LPIN3: variants seen among roughly 807,000 people sequenced by gnomAD.
The protein encoded by LPIN3 is phosphatidate phosphatase LPIN3.
In LPIN3, 82 loss-of-function variants were observed where a neutral mutation model predicts 94.7. The ratio of observed to expected loss-of-function variants is 0.87; its 90% CI spans 0.72 to 1.04. The LOEUF (loss-of-function observed/expected upper bound fraction) is 1.04. Ranked by LOEUF, LPIN3 falls within the 50% of genes least tolerant of loss-of-function variation. The pLI, the probability that LPIN3 is intolerant of heterozygous loss-of-function variation, is 0.00. For missense variants in LPIN3, 996 were observed against 1,090.5 expected (o/e 0.91, Z 1.22); for synonymous variants, 418 against 443.3 (o/e 0.94, Z 0.72).
At chr20:41,351,300 ATT>A (rs149694237) in intron 7 of LPIN3, among the ~76,000 whole-genome samples, 6 of 136,010 alleles carry the variant, frequency 4.4e-5, no homozygotes, top group African/African-American at 5.5e-5. Flanking sequence ...ATAAAATTCC[ATT>A]TTTTTTTTTT....
At chr20:41,342,761 GA>G (rs1216934110) in intron 1 of LPIN3, among the ~76,000 whole-genome samples, 1 of 152,206 alleles carries the variant, frequency 6.6e-6, no homozygotes, top group African/African-American at 2.4e-5. Context: ...AGATGTGGGG[GA>G]CATCCATTGG....
rs1295619422 is a variant in LPIN3, at chr20:41,347,604, A to T, written c.245A>T (p.Asp82Val). Residue 82 changes from aspartate to valine, a missense_variant, in exon 3 of 20, where the codon GAC (aspartate) becomes GTC (valine). Physicochemically the swap from Asp to Val is radical, Grantham distance 152. Transcript: ENST00000373257. ...GTGGACTTGCACATGAAGCTTGGGG[A>T]CAGCGGGGAGGCCTTCTTTGTTCAG... ...EPVDLHMKLG[D>V]SGEAFFVQEL... 6.2e-7 allele frequency: 1 copy of T among 1,614,154 alleles called. No homozygotes were observed. The highest frequency in any genetic ancestry group is 8.5e-7 in the Non-Finnish European group (1 of 1,180,002).
chr20:41,342,669 G>T (rs1038131778), intron 1 of LPIN3, among the ~76,000 whole-genome samples: 2 of 141,288 alleles, frequency 1.4e-5, no homozygotes, highest in African/African-American at 5.3e-5. Context: ...GGCAGATGTG[G>T]GGGGGCTCAC....
rs907652825 is a variant in LPIN3 at position 41,352,647 on chromosome 20, A to C, written c.1405A>C (p.Lys469Gln). The change falls in exon 10 of 20, where the codon AAA becomes CAA. Residue 469 changes from lysine (K) to glutamine (Q), a missense_variant. Physicochemically the swap from Lys to Gln is moderately conservative, Grantham distance 53. Transcript: ENST00000373257. ...CAGCGTCTCTTACCAGGACCTCACC[A>C]AAAACCCCGGACTTTTGGATGACCC... ...QHSVSYQDLT[K>Q]NPGLLDDPNL... The C allele has an allele frequency of 4.3e-6, 7 of 1,613,928 alleles. No individual in the cohort carries two copies. In the South Asian group the frequency reaches 7.7e-5, roughly 18 times the overall value.
intron 14 of LPIN3, 103 bp from the exon 15 acceptor site, chr20:41,356,937 A>C: frequency 7.5e-7 from 1 of 1,335,030 alleles, no homozygotes; most frequent in Non-Finnish European, 1.0e-6. Context: ...GAGGAAGAGG[A>C]GAATGAGAGG....
At chr20:41,350,639 T>G (rs1569000461) in intron 7 of LPIN3, among the ~76,000 whole-genome samples, 1 of 151,870 alleles carries the variant, frequency 6.6e-6, no homozygotes. Context: ...AGAAGGCCCC[T>G]CCGAGAAGGT....
Position 41,353,373 on chromosome 20 carries a change from A to T in LPIN3, c.1527+506A>T, listed in dbSNP as rs116580262. Among the ~76,000 whole-genome samples, 555 of 152,328 alleles carry T rather than the reference A, an allele frequency of 3.6e-3. 5 individuals carry two copies. The highest frequency in any genetic ancestry group is 0.013 in the African/African-American group (531 of 41,580). On this transcript the variant is annotated intron_variant, in intron 11 of 19. Transcript: ENST00000373257. ...GACAGTCATGAATAAACGAAACAAA[A>T]TTATCCCTGCTCTCAAAGGAAGACG...
chr20:41,350,444 T>A (rs2045968656), intron 7 of LPIN3, 47 bp downstream of exon 7: 1 of 1,443,640 alleles, frequency 6.9e-7, no homozygotes, highest in African/African-American at 1.4e-5. Context: ...CCTCGCTCTG[T>A]CCCCTGGGTG....
chr20:41,352,274 TG>T, intron 9 of LPIN3, 54 bp downstream of exon 9: 1 of 1,597,660 alleles, frequency 6.3e-7, no homozygotes, highest in Non-Finnish European at 8.6e-7. Flanking sequence ...GCCCAGAGGA[TG>T]GGGAGGGCAG....
rs2046049635 is a variant in LPIN3 at position 41,352,292 on chromosome 20, C to T, written c.1363+72C>T. ...CAGAGGATGGGGAGGGCAGGGAAGACTGTGAGGGTGGGGCAGTAGAGGTGA... is the reference window on the plus strand; with the variant it reads ...CAGAGGATGGGGAGGGCAGGGAAGATTGTGAGGGTGGGGCAGTAGAGGTGA... On this transcript the variant is annotated intron_variant, in intron 9 of 19. Transcript: ENST00000373257. 38 of 1,556,836 alleles carry T rather than the reference C, an allele frequency of 2.4e-5. 1 individual carries two copies. In the South Asian group the frequency reaches 3.8e-4, roughly 16 times the overall value.
chr20:41,350,791 G>A (rs1046015230), intron 7 of LPIN3, among the ~76,000 whole-genome samples: 14 of 152,332 alleles, frequency 9.2e-5, no homozygotes, highest in South Asian at 2.1e-4. Context: ...AGCAGCTGGC[G>A]TGCCTTGAGC....
rs1333197876 is a variant in LPIN3, at chr20:41,358,333, CT to C, written c.2292del (p.Phe764LeufsTer35). 3.1e-6 allele frequency: 5 copies of C among 1,614,190 alleles called. No individual in the cohort carries two copies. In the East Asian group the frequency reaches 6.7e-5, roughly 22 times the overall value. On this transcript the variant is annotated frameshift_variant, in exon 18 of 20. Coordinates refer to ENST00000373257, the MANE Select transcript of LPIN3 (RefSeq NM_022896.3). LOFTEE classifies it high-confidence loss of function. ...LPHGQPFYAA[F>X]GNRPNDVFAY... Reference sequence around the variant, plus strand: ...CCCACGGACAGCCCTTCTATGCTGCCTTTGGGAATAGGCCCAATGTGAGTGT... The same window carrying C: ...CCCACGGACAGCCCTTCTATGCTGCCTTGGGAATAGGCCCAATGTGAGTGT...
At chr20:41,356,135 T>C in intron 14 of LPIN3, 101 bp downstream of exon 14, 3 of 1,509,864 alleles carry the variant, frequency 2.0e-6, no homozygotes, top group East Asian at 2.3e-5. Context: ...GGGAGCCACA[T>C]GTTCACCAAA....
At chr20:41,343,366 CTG>C (rs2045657332) in intron 1 of LPIN3, among the ~76,000 whole-genome samples, 2 of 152,230 alleles carry the variant, frequency 1.3e-5, no homozygotes, top group Admixed American at 6.5e-5. Context: ...CACCAAGTGT[CTG>C]TCACCACTCT....
intron 2 of LPIN3, 50 bp downstream of exon 2, chr20:41,346,045 G>A: frequency 1.9e-6 from 3 of 1,572,730 alleles, no homozygotes; most frequent in Non-Finnish European, 2.6e-6. Flanking sequence ...GGCTTTTTAA[G>A]CTGGGGCAGC....
chr20:41,349,685 T>C (rs527751883), intron 5 of LPIN3, 89 bp from the exon 6 acceptor site: 66 of 1,479,978 alleles, frequency 4.5e-5, no homozygotes, highest in Admixed American at 1.4e-4. Flanking sequence ...GGCATAAATA[T>C]AGGTTGCACA....
chr20:41,345,668 A>G (rs2045741868), intron 1 of LPIN3, 128 bp from the exon 2 acceptor site: 2 of 949,730 alleles, frequency 2.1e-6, no homozygotes, highest in East Asian at 2.6e-5. Flanking sequence ...AGCTGCTGCC[A>G]TCTGTGCAAA....
intron 7 of LPIN3, among the ~76,000 whole-genome samples, chr20:41,351,389 C>T (rs971320621): frequency 4.0e-5 from 6 of 151,150 alleles, no homozygotes; most frequent in Non-Finnish European, 5.9e-5. Flanking sequence ...CTCTGCCTCC[C>T]GGGTTCAAGT....
intron 2 of LPIN3, 119 bp downstream of exon 2, chr20:41,346,114 C>A: frequency 1.9e-6 from 2 of 1,039,774 alleles, no homozygotes; most frequent in Admixed American, 2.8e-5. Flanking sequence ...GTCCTCTGGA[C>A]AGGCTTCCCT....
Sources: gnomAD v4.1 joint callset for allele counts (sites outside exome capture counted in the v4.1 genomes callset) on GRCh38, gnomAD v4.1.1 for gene constraint, MANE v1.5 for transcripts, NCBI Gene and HGNC (gene_info 2026-07-23, HGNC 2026-07-21) for gene names.